ZFAND3: variants seen among roughly 807,000 people sequenced by gnomAD.
ZFAND3 encodes the protein AN1-type zinc finger protein 3.
ZFAND3 carries 10 observed loss-of-function variants against 29.6 expected under a neutral mutation model. That is an observed-to-expected ratio of 0.34 (90% CI 0.21 to 0.57). The LOEUF (loss-of-function observed/expected upper bound fraction) is 0.57, where lower values mean the gene tolerates loss of function less well. ZFAND3 is among the 20% of genes least tolerant of loss of function. The pLI is 0.86. For missense variants in ZFAND3, 230 were observed against 304.5 expected, an observed-to-expected ratio of 0.76 and a Z score of 1.82; for synonymous variants, 128 against 112.6, an observed-to-expected ratio of 1.14 and a Z score of -0.87.
chr6:37,913,329 C>G (rs1765555535), intron 1 of ZFAND3, among the ~76,000 whole-genome samples: 1 of 152,196 alleles, frequency 6.6e-6, no homozygotes, highest in South Asian at 2.1e-4. Context: ...ATGTAATATT[C>G]TAAATCCTTT....
chr6:37,956,917 C>T (rs1421650518), intron 2 of ZFAND3, among the ~76,000 whole-genome samples: 1 of 152,122 alleles, frequency 6.6e-6, no homozygotes, highest in Non-Finnish European at 1.5e-5. Context: ...ATTGCAAAGC[C>T]TTTTGGGAGT....
chr6:38,043,419 TCTTCTCTCCC>T (rs1290807588), intron 2 of ZFAND3, among the ~76,000 whole-genome samples: 2 of 140,562 alleles, frequency 1.4e-5, no homozygotes, highest in Admixed American at 1.5e-4. Context: ...CCTCCCTTTC[TCTTCTCTCCC>T]CTTCTCTCCT....
chr6:37,916,332 A>G (rs540921251), intron 1 of ZFAND3, among the ~76,000 whole-genome samples: 2 of 152,126 alleles, frequency 1.3e-5, no homozygotes, highest in South Asian at 2.1e-4. Flanking sequence ...AAAGTACAGT[A>G]CCTCCAAAGT....
At chr6:38,016,977 T>C (rs538265353) in intron 2 of ZFAND3, among the ~76,000 whole-genome samples, 1 of 152,300 alleles carries the variant, frequency 6.6e-6, no homozygotes, top group East Asian at 1.9e-4. Flanking sequence ...CCCAAATGTC[T>C]TGAACTTCCC....
At chr6:38,151,181 G>A (rs910696348) in intron 5 of ZFAND3, among the ~76,000 whole-genome samples, 1 of 152,192 alleles carries the variant, frequency 6.6e-6, no homozygotes, top group South Asian at 2.1e-4. Context: ...CTCTGAGCCT[G>A]GCTCCTGGCT....
rs199633250 is a variant in ZFAND3 at position 37,993,406 on chromosome 6, A to AACCTCC, written c.112+63414_112+63419dup. Among the ~76,000 whole-genome samples, 2,559 of 152,170 alleles carry AACCTCC rather than the reference A, an allele frequency of 0.017. 243 individuals are homozygous for AACCTCC. In the East Asian group the frequency reaches 0.28, roughly 16 times the overall value. ...CAGTGGCGTGATCTCAGCTCACTGC[A>AACCTCC]ACCTCCACCTCCTGGGTCGAAGCCA... On this transcript the variant is annotated intron_variant, in intron 2 of 5. Transcript: ENST00000287218.
intron 2 of ZFAND3, among the ~76,000 whole-genome samples, chr6:37,979,344 T>G (rs1762541824): frequency 6.6e-6 from 1 of 152,234 alleles, no homozygotes; most frequent in African/African-American, 2.4e-5. Context: ...TGTATTTGAT[T>G]ATCTGTGTTT....
chr6:37,984,501 C>CA (rs1450576108), intron 2 of ZFAND3, among the ~76,000 whole-genome samples: 1 of 152,204 alleles, frequency 6.6e-6, no homozygotes, highest in African/African-American at 2.4e-5. Context: ...ATTTGAACAA[C>CA]AGTCACTCCC....
chr6:38,134,348 C>A (rs141987072), intron 5 of ZFAND3, among the ~76,000 whole-genome samples: 1 of 152,188 alleles, frequency 6.6e-6, no homozygotes, highest in Admixed American at 6.5e-5. Flanking sequence ...TATTACACAT[C>A]GGTGAATTAT....
chr6:37,927,583 A>G (rs892267293), intron 1 of ZFAND3, among the ~76,000 whole-genome samples: 2 of 152,224 alleles, frequency 1.3e-5, no homozygotes, highest in Non-Finnish European at 2.9e-5. Flanking sequence ...AAGTTCAGTT[A>G]GTTAAAACAG....
At chr6:37,886,273 A>AAAAAAAAAG in intron 1 of ZFAND3, among the ~76,000 whole-genome samples, 1 of 115,708 alleles carries the variant, frequency 8.6e-6, no homozygotes, top group South Asian at 2.8e-4. Context: ...AAAAAAAAAA[A>AAAAAAAAAG]AAAAAAAAGT....
chr6:37,981,483 AG>A (rs1417530728), intron 2 of ZFAND3, among the ~76,000 whole-genome samples: 1 of 152,160 alleles, frequency 6.6e-6, no homozygotes, highest in African/African-American at 2.4e-5. Context: ...GTGAGATCTT[AG>A]GGTATTGTGA....
intron 5 of ZFAND3, among the ~76,000 whole-genome samples, chr6:38,123,874 G>A (rs1207066034): frequency 1.3e-5 from 2 of 152,142 alleles, no homozygotes; most frequent in Non-Finnish European, 2.9e-5. Context: ...AGGCAGTGCA[G>A]ACCCAAAGAG....
intron 1 of ZFAND3, among the ~76,000 whole-genome samples, chr6:37,918,896 T>C (rs1235740698): frequency 6.6e-6 from 1 of 151,884 alleles, no homozygotes; most frequent in East Asian, 1.9e-4. Context: ...AGATACTTGC[T>C]CTTGTACTAG....
At chr6:37,925,565 G>A (rs1165897383) in intron 1 of ZFAND3, among the ~76,000 whole-genome samples, 1 of 152,264 alleles carries the variant, frequency 6.6e-6, no homozygotes, top group East Asian at 1.9e-4. Flanking sequence ...TTAGCCGGGC[G>A]TGGTGGCGGG....
At chr6:38,031,447 G>T (rs4714120) in intron 2 of ZFAND3, among the ~76,000 whole-genome samples, 77,117 of 151,890 alleles carry the variant, frequency 0.51, 20,186 homozygotes, top group East Asian at 0.86. Context: ...TTTGCCCTTC[G>T]GGAAACAACA....
rs1182975603 is a variant in ZFAND3, at chr6:37,914,736, C to T, written c.72-15223C>T. 4.4e-5 allele frequency among the ~76,000 whole-genome samples: 6 copies of T among 136,726 alleles called. 1 individual carries two copies. In the East Asian group the frequency reaches 6.4e-4, roughly 15 times the overall value. The allele number at this position is 136,726 out of a possible 152,430, so 89.7% of individuals were successfully genotyped here. On this transcript the variant is annotated intron_variant, in intron 1 of 5. Transcript: ENST00000287218. The stretch of plus-strand genomic sequence containing the variant: ...CAGGATGGTCTTGATCTCCTGACCT[C>T]GTGATCTGCCTGCCTCGGCCTCCCA...
chr6:37,983,084 C>T (rs577310597), intron 2 of ZFAND3, among the ~76,000 whole-genome samples: 205 of 152,032 alleles, frequency 1.3e-3, no homozygotes, highest in African/African-American at 4.8e-3. Context: ...GTGTTATAAG[C>T]TAAATGTTAA....
At chr6:38,136,620 G>A (rs557087272) in intron 5 of ZFAND3, among the ~76,000 whole-genome samples, 1 of 152,210 alleles carries the variant, frequency 6.6e-6, no homozygotes, top group Admixed American at 6.5e-5. Context: ...GTGGGAGGTG[G>A]CAGGCAGTGG....
Sources: allele counts gnomAD v4.1 joint callset (sites outside exome capture counted in the v4.1 genomes callset), GRCh38; gene constraint gnomAD v4.1.1; transcripts MANE v1.5; gene names NCBI Gene and HGNC (gene_info 2026-07-23, HGNC 2026-07-21).